The following DCLRE1C variants were observed in gnomAD, a reference collection of about 807,000 sequenced individuals.
DCLRE1C encodes the protein DNA cross-link repair 1C, also known as protein artemis.
A neutral mutation model predicts 61.4 loss-of-function variants in DCLRE1C; 47 were observed. The ratio of observed to expected loss-of-function variants is 0.77; its 90% CI spans 0.61 to 0.98. DCLRE1C has a LOEUF of 0.98. DCLRE1C is among the 50% of genes least tolerant of loss of function. The probability of loss-of-function intolerance (pLI) is 0.00; values close to 1 mark genes in which losing one functional copy is unlikely to be tolerated. For missense variants in DCLRE1C, 858 were observed against 816.0 expected, an observed-to-expected ratio of 1.05 and a Z score of -0.63; for synonymous variants, 337 against 287.6, an observed-to-expected ratio of 1.17 and a Z score of -1.74.
chr10:14,900,523 A>T (rs561337477), downstream of DCLRE1C, among the ~76,000 whole-genome samples: 1 of 152,222 alleles, frequency 6.6e-6, no homozygotes, highest in African/African-American at 2.4e-5. Flanking sequence ...TTTTTTCTTA[A>T]TGATAAATTC....
chr10:14,919,909 A>AC, intron 12 of DCLRE1C, 77 bp from the exon 13 acceptor site: 3 of 1,207,678 alleles, frequency 2.5e-6, no homozygotes, highest in Non-Finnish European at 2.4e-6. Context: ...AGTATTACAA[A>AC]TTTTTTTGAT....
intron 3 of DCLRE1C, among the ~76,000 whole-genome samples, chr10:14,942,968 A>T (rs1186273513): frequency 6.6e-6 from 1 of 152,186 alleles, no homozygotes; most frequent in Non-Finnish European, 1.5e-5. Flanking sequence ...CTACTAAAAA[A>T]TACAAAAATT....
intron 5 of DCLRE1C, 133 bp downstream of exon 5, chr10:14,936,405 C>T (rs1327784884): frequency 8.8e-6 from 6 of 685,168 alleles, no homozygotes; most frequent in Non-Finnish European, 1.6e-5. Context: ...GCGTCAGCCT[C>T]CCAAAGCACT....
chr10:14,909,616 A>G (rs1834909361), intron 13 of DCLRE1C, among the ~76,000 whole-genome samples: 1 of 152,246 alleles, frequency 6.6e-6, no homozygotes, highest in African/African-American at 2.4e-5. Flanking sequence ...AGAAAAAAAA[A>G]AAAAACAGGT....
intron 12 of DCLRE1C, 56 bp from the exon 13 acceptor site, chr10:14,919,888 A>ACAT: frequency 7.3e-7 from 1 of 1,377,926 alleles, no homozygotes; most frequent in Non-Finnish European, 1.0e-6. Context: ...TAGAAGGTAG[A>ACAT]CATCATTGAT....
At chr10:14,899,522 C>A (rs745322597) in intron 13 of DCLRE1C, 8 of 1,612,782 alleles carry the variant, frequency 5.0e-6, no homozygotes, top group Middle Eastern at 1.6e-4. Flanking sequence ...AATATACTTA[C>A]AGTTTTTTCT....
Position 14,905,854 on chromosome 10 carries a change from C to T in DCLRE1C, c.*2554G>A, listed in dbSNP as rs1834346916. Among the ~76,000 whole-genome samples, 1 of 152,150 alleles carries T rather than the reference C, an allele frequency of 6.6e-6. No individual in the cohort carries two copies. The highest frequency in any genetic ancestry group is 2.4e-5 in the African/African-American group (1 of 41,430). On this transcript the variant is annotated 3_prime_UTR_variant, in exon 14 of 14. Coordinates refer to ENST00000378278, the MANE Select transcript of DCLRE1C (RefSeq NM_001033855.3). ...ACAAAAATTAGCCAGGTGTGGCACA[C>T]ACCTGTAATCCCAGCTACTTGGGAG...
At chr10:14,930,928 G>A (rs1419793699) in intron 9 of DCLRE1C, among the ~76,000 whole-genome samples, 1 of 152,148 alleles carries the variant, frequency 6.6e-6, no homozygotes, top group Non-Finnish European at 1.5e-5. Context: ...GTGGCCTACA[G>A]GAAAACATTC....
At chr10:14,932,355 T>C (rs1206484906) in intron 9 of DCLRE1C, among the ~76,000 whole-genome samples, 1 of 152,152 alleles carries the variant, frequency 6.6e-6, no homozygotes, top group Non-Finnish European at 1.5e-5. Flanking sequence ...TATAAAGATC[T>C]GGTTGGGGGT....
At chr10:14,917,668 A>G (rs1444748566) in intron 13 of DCLRE1C, among the ~76,000 whole-genome samples, 2 of 152,094 alleles carry the variant, frequency 1.3e-5, no homozygotes, top group East Asian at 3.9e-4. Context: ...TACAAAAAAT[A>G]TAAAAATTAG....
At chr10:14,940,724 A>G (rs963697845) in intron 3 of DCLRE1C, among the ~76,000 whole-genome samples, 7 of 152,224 alleles carry the variant, frequency 4.6e-5, no homozygotes, top group Non-Finnish European at 1.0e-4. Context: ...TTTTTAGTCC[A>G]CTAATGTCCT....
At chr10:14,897,499 C>A in exon 14 of DCLRE1C, 1 of 1,564,020 alleles carries the variant, frequency 6.4e-7, no homozygotes, top group South Asian at 1.2e-5. Context: ...TGAGTTTTGT[C>A]ATGGAATATG....
At chr10:14,931,231 C>T (rs552392677) in intron 9 of DCLRE1C, among the ~76,000 whole-genome samples, 1 of 152,080 alleles carries the variant, frequency 6.6e-6, no homozygotes, top group African/African-American at 2.4e-5. Flanking sequence ...TTGTACTCAG[C>T]GTTTGACAAG....
chr10:14,905,593 A>G lies in DCLRE1C; in HGVS notation c.*2815T>C, dbSNP rs1290380344. 1.3e-5 allele frequency among the ~76,000 whole-genome samples: 2 copies of G among 152,242 alleles called. No homozygotes were observed. Among genetic ancestry groups the G allele is most frequent in the Non-Finnish European group, 2.9e-5 (2 of 68,050 alleles). ...CTTCAGGCAGACTTTTTAAAAAACTAGTTTATACTATTCAAACATTTAAGT... is the reference window on the plus strand; with the variant it reads ...CTTCAGGCAGACTTTTTAAAAAACTGGTTTATACTATTCAAACATTTAAGT... On this transcript the variant is annotated 3_prime_UTR_variant, in exon 14 of 14. Coordinates refer to ENST00000378278, the MANE Select transcript of DCLRE1C (RefSeq NM_001033855.3).
At chr10:14,904,315 ATTTTTTTTTTTT>A (rs35999949), downstream of DCLRE1C, 46 of 77,802 alleles carry the variant, frequency 5.9e-4, no homozygotes, top group Admixed American at 7.3e-3. Context: ...AAAAAAAAAA[ATTTTTTTTTTTT>A]TTTTTTTTTT....
chr10:14,901,747 C>T (rs952839183), downstream of DCLRE1C, among the ~76,000 whole-genome samples: 4 of 151,734 alleles, frequency 2.6e-5, no homozygotes, highest in African/African-American at 9.7e-5. Context: ...GGGAGGATGG[C>T]TTGAGACAGG....
chr10:14,935,666 C>T (rs1839790302), intron 5 of DCLRE1C, 102 bp from the exon 6 acceptor site: 5 of 1,120,098 alleles, frequency 4.5e-6, no homozygotes, highest in Non-Finnish European at 6.8e-6. Flanking sequence ...CAAACATATC[C>T]ATTACAATAC....
At chr10:14,935,658 A>G in intron 5 of DCLRE1C, 94 bp from the exon 6 acceptor site, 2 of 1,207,078 alleles carry the variant, frequency 1.7e-6, no homozygotes, top group South Asian at 2.4e-5. Flanking sequence ...GCTTCCTGCA[A>G]ACATATCCAT....
intron 11 of DCLRE1C, among the ~76,000 whole-genome samples, chr10:14,925,939 C>A (rs41298912): frequency 6.6e-6 from 1 of 152,300 alleles, no homozygotes; most frequent in East Asian, 1.9e-4. Flanking sequence ...GGGTGGCTAC[C>A]TCCATACTGT....
Sources: gnomAD v4.1 joint callset for allele counts (sites outside exome capture counted in the v4.1 genomes callset) on GRCh38, gnomAD v4.1.1 for gene constraint, MANE v1.5 for transcripts, NCBI Gene and HGNC (gene_info 2026-07-23, HGNC 2026-07-21) for gene names.